AMMECR1L: variants seen among roughly 807,000 people sequenced by gnomAD.
AMMECR1L encodes the protein AMMECR1-like protein.
AMMECR1L carries 4 observed loss-of-function variants against 36.8 expected under a neutral mutation model. That is an observed-to-expected ratio of 0.11 (90% CI 0.05 to 0.25). AMMECR1L has a LOEUF of 0.25. AMMECR1L is among the 10% of genes least tolerant of loss of function. The probability of loss-of-function intolerance (pLI) is 1.00; values close to 1 mark genes in which losing one functional copy is unlikely to be tolerated. For missense variants in AMMECR1L, 232 were observed against 392.1 expected (o/e 0.59, Z 3.45); for synonymous variants, 147 against 148.0 (o/e 0.99, Z 0.05).
chr2:127,879,408 G>A (rs1334765308), intron 2 of AMMECR1L, among the ~76,000 whole-genome samples: 2 of 152,154 alleles, frequency 1.3e-5, no homozygotes, highest in Admixed American at 6.5e-5. Context: ...TTATGTGCCC[G>A]CTCCTGCTTT....
In AMMECR1L at chr2:127,869,977, G is replaced by A. The variant is rs1227066450; in HGVS notation, c.634-433C>T. On this transcript the variant is annotated intron_variant, in intron 5 of 7. Coordinates refer to ENST00000272647, the MANE Select transcript of AMMECR1L (RefSeq NM_001199140.2). The surrounding 1 kb of genome is among the most constrained non-coding windows in gnomAD (Gnocchi z 4.7). ...ATTTGGGAGGCCAAGGCCGTCAGGA[G>A]TTTGAGACCAGGCTGGCCAACATGG... Among the ~76,000 whole-genome samples the A allele has an allele frequency of 6.6e-6, 1 of 152,212 alleles. No homozygotes were observed. The highest frequency in any genetic ancestry group is 1.5e-5 in the Non-Finnish European group (1 of 68,038).
In AMMECR1L at chr2:127,862,542, G is replaced by C. The variant is rs936997201; in HGVS notation, c.*2552C>G. On this transcript the variant is annotated 3_prime_UTR_variant, in exon 8 of 8. Coordinates refer to ENST00000272647, the MANE Select transcript of AMMECR1L (RefSeq NM_001199140.2). Reference sequence around the variant, plus strand: ...AGGCGACCGTGACCGTACACTTCTAGACCGCTTCCTGACTAGGCCCCGTTC... The same window carrying C: ...AGGCGACCGTGACCGTACACTTCTACACCGCTTCCTGACTAGGCCCCGTTC... The C allele has an allele frequency of 5.2e-5, 8 of 153,672 alleles. No individual in the cohort carries two copies. Among genetic ancestry groups the C allele is most frequent in the South Asian group, 2.1e-4 (1 of 4,824 alleles). 9.5% of individuals were successfully genotyped at this position (153,672 alleles called of 1,614,324 possible).
Position 127,869,359 on chromosome 2 carries a change from G to A in AMMECR1L, c.724+95C>T. Reference sequence around the variant, plus strand: ...AGAAAGGCCCTCATTCTCAGCTGCAGTTGGGCTGCAAGATGACACACTTCA... The same window carrying A: ...AGAAAGGCCCTCATTCTCAGCTGCAATTGGGCTGCAAGATGACACACTTCA... On this transcript the variant is annotated intron_variant, in intron 6 of 7. Transcript: ENST00000272647. This position sits in a 1 kb window ranked among gnomAD's most constrained non-coding sequence, Gnocchi z 4.7. 1 of 1,200,026 alleles carries A rather than the reference G, an allele frequency of 8.3e-7. No homozygotes were observed. The highest frequency in any genetic ancestry group is 1.2e-6 in the Non-Finnish European group (1 of 810,492). The allele number at this position is 1,200,026 out of a possible 1,614,324, so 74.3% of individuals were successfully genotyped here.
chr2:127,877,020 A>AAT lies in AMMECR1L; in HGVS notation c.-38-2750_-38-2749dup, dbSNP rs10559478. ...CAATAAGAGCGAAACTCTGTCTCCA[A>AAT]ATATATATATATATACATATATATA... On this transcript the variant is annotated intron_variant, in intron 2 of 7. Transcript: ENST00000272647. Among the ~76,000 whole-genome samples the AAT allele has an allele frequency of 4.6e-3, 670 of 144,918 alleles. 3 individuals carry two copies. Among genetic ancestry groups the AAT allele is most frequent in the Non-Finnish European group, 7.5e-3 (500 of 66,600 alleles).
chr2:127,875,797 C>CTT (rs1691208066), intron 2 of AMMECR1L, among the ~76,000 whole-genome samples: 2 of 131,768 alleles, frequency 1.5e-5, no homozygotes, highest in Non-Finnish European at 3.4e-5. Flanking sequence ...CTCTCTCTCT[C>CTT]TCTCTTTTTC....
chr2:127,867,234 C>T (rs1189784084), intron 6 of AMMECR1L: 1 of 985,366 alleles, frequency 1.0e-6, no homozygotes, highest in Non-Finnish European at 1.2e-6. Context: ...CCCCAGGCTC[C>T]CTGCTCCTGC....
In AMMECR1L at chr2:127,864,327, CTCCAT is replaced by C; in HGVS notation, c.*762_*766del. Reference sequence around the variant, plus strand: ...TGACATCAGGACCTCCTGTGGGCATCTCCATTCCATTCCATTCCTCAGCAGGCTAC... The same window carrying C: ...TGACATCAGGACCTCCTGTGGGCATCTCCATTCCATTCCTCAGCAGGCTAC... On this transcript the variant is annotated 3_prime_UTR_variant, in exon 8 of 8. Transcript: ENST00000272647. 1 of 152,820 alleles carries C rather than the reference CTCCAT, an allele frequency of 6.5e-6. No homozygotes were observed. The highest frequency in any genetic ancestry group is 1.5e-5 in the Non-Finnish European group (1 of 68,060). 9.5% of individuals were successfully genotyped at this position (152,820 alleles called of 1,614,324 possible). A position where few individuals can be genotyped will look rare whatever the true frequency, so the allele number is the denominator to read the frequency against.
chr2:127,878,204 T>C (rs1254954063), intron 2 of AMMECR1L, among the ~76,000 whole-genome samples: 2 of 152,178 alleles, frequency 1.3e-5, no homozygotes, highest in African/African-American at 4.8e-5. Flanking sequence ...AGCCATCACC[T>C]GGAAAATTAT....
chr2:127,872,014 C>T (rs191874311), intron 3 of AMMECR1L, among the ~76,000 whole-genome samples: 189 of 152,046 alleles, frequency 1.2e-3, no homozygotes, highest in African/African-American at 4.2e-3. Flanking sequence ...CATGGCGAAA[C>T]CCCGCCTCTA....
chr2:127,879,947 T>C (rs1225116661), intron 2 of AMMECR1L, among the ~76,000 whole-genome samples: 1 of 152,206 alleles, frequency 6.6e-6, no homozygotes, highest in Non-Finnish European at 1.5e-5. Flanking sequence ...TGCCAAACTT[T>C]ATAAAAACTA....
chr2:127,869,351 C>A lies in AMMECR1L; in HGVS notation c.724+103G>T. ...TAAGAGGCAGAAAGGCCCTCATTCT[C>A]AGCTGCAGTTGGGCTGCAAGATGAC... On this transcript the variant is annotated intron_variant, in intron 6 of 7. Coordinates refer to ENST00000272647, the MANE Select transcript of AMMECR1L (RefSeq NM_001199140.2). This position sits in a 1 kb window ranked among gnomAD's most constrained non-coding sequence, Gnocchi z 4.7. 1 of 1,104,904 alleles carries A rather than the reference C, an allele frequency of 9.1e-7. No individual in the cohort carries two copies. Among genetic ancestry groups the A allele is most frequent in the East Asian group, 2.4e-5 (1 of 41,140 alleles). 68.4% of individuals were successfully genotyped at this position (1,104,904 alleles called of 1,614,324 possible). A position where few individuals can be genotyped will look rare whatever the true frequency, so the allele number is the denominator to read the frequency against.
intron 2 of AMMECR1L, among the ~76,000 whole-genome samples, chr2:127,883,924 G>T (rs1300264478): frequency 2.0e-5 from 3 of 152,184 alleles, no homozygotes; most frequent in Admixed American, 2.0e-4. Flanking sequence ...TTTGGGAAGG[G>T]TGAGGAGCCA....
intron 2 of AMMECR1L, among the ~76,000 whole-genome samples, chr2:127,875,958 T>C (rs1346176202): frequency 1.3e-5 from 2 of 151,588 alleles, no homozygotes; most frequent in African/African-American, 2.4e-5. Context: ...TATGCCCAGC[T>C]ATCTTTTTTT....
At chr2:127,867,050 G>A in intron 6 of AMMECR1L, 54 bp from the exon 7 acceptor site, 1 of 1,609,432 alleles carries the variant, frequency 6.2e-7, no homozygotes. Context: ...AGTAAGGCAT[G>A]CTCTCACATG....
At chr2:127,876,465 T>G (rs1387732806) in intron 2 of AMMECR1L, among the ~76,000 whole-genome samples, 1 of 152,158 alleles carries the variant, frequency 6.6e-6, no homozygotes, top group Non-Finnish European at 1.5e-5. Flanking sequence ...TGGCTTCTTT[T>G]TGAGAAAGTC....
intron 2 of AMMECR1L, among the ~76,000 whole-genome samples, chr2:127,880,997 A>T (rs1691476793): frequency 6.6e-6 from 1 of 152,190 alleles, no homozygotes. Flanking sequence ...TGGATAATTC[A>T]TTTTAAAAAT....
chr2:127,879,964 A>G (rs1328926243), intron 2 of AMMECR1L, among the ~76,000 whole-genome samples: 2 of 152,218 alleles, frequency 1.3e-5, no homozygotes, highest in Non-Finnish European at 2.9e-5. Flanking sequence ...ACTACCAAGG[A>G]TGGTACTGTG....
rs1228640949 is a variant in AMMECR1L at position 127,869,995 on chromosome 2, C to G, written c.634-451G>C. Among the ~76,000 whole-genome samples the G allele has an allele frequency of 6.6e-6, 1 of 152,100 alleles. No homozygotes were observed. Among genetic ancestry groups the G allele is most frequent in the Non-Finnish European group, 1.5e-5 (1 of 68,014 alleles). On this transcript the variant is annotated intron_variant, in intron 5 of 7. Coordinates refer to ENST00000272647, the MANE Select transcript of AMMECR1L (RefSeq NM_001199140.2). This position sits in a 1 kb window ranked among gnomAD's most constrained non-coding sequence, Gnocchi z 4.7. ...GTCAGGAGTTTGAGACCAGGCTGGC[C>G]AACATGGTGAAACCCTGTCTCTACT...
Position 127,866,986 on chromosome 2 carries a change from C to T in AMMECR1L, c.735G>A (p.Gln245=), listed in dbSNP as rs371966268. 6.2e-7 allele frequency: 1 copy of T among 1,614,228 alleles called. No individual in the cohort carries two copies. Among genetic ancestry groups the T allele is most frequent in the African/African-American group, 1.3e-5 (1 of 75,066 alleles). The part of the protein sequence containing the change: ...PEVAKEQDWD[Q]IQTIDSLLRK... ...TGAGCAAGGAGTCTATTGTCTGGAT[C>T]TGATCCCAGTCTGGGGAGGAGAAAG... Residue 245 remains glutamine (Q), a synonymous_variant, in exon 7 of 8, where the codon CAG becomes CAA. Coordinates refer to ENST00000272647, the MANE Select transcript of AMMECR1L (RefSeq NM_001199140.2).
Sources: allele counts gnomAD v4.1 joint callset (sites outside exome capture counted in the v4.1 genomes callset), GRCh38; gene constraint gnomAD v4.1.1; non-coding constraint Gnocchi (gnomAD v3.1); transcripts MANE v1.5; gene names NCBI Gene and HGNC (gene_info 2026-07-23, HGNC 2026-07-21).